Variants in PCDHA8 observed in about 807,000 individuals in gnomAD.
PCDHA8 encodes the protein protocadherin alpha-8.
A neutral mutation model predicts 61.8 loss-of-function variants in PCDHA8; 53 were observed. The ratio of observed to expected loss-of-function variants is 0.86; its 90% CI spans 0.69 to 1.08. The LOEUF is 1.08. Ranked by LOEUF, PCDHA8 falls within the 50% of genes least tolerant of loss-of-function variation. The probability of loss-of-function intolerance (pLI) is 0.00; values close to 1 mark genes in which losing one functional copy is unlikely to be tolerated. For missense variants in PCDHA8, 1,293 were observed against 1,245.0 expected (o/e 1.04, Z -0.58); for synonymous variants, 618 against 556.6 (o/e 1.11, Z -1.55).
At chr5:140,863,076 G>A (rs782126148) in intron 1 of PCDHA8, 19 of 569,916 alleles carry the variant, frequency 3.3e-5, no homozygotes, top group South Asian at 2.5e-4. Context: ...GGCTCTGCAC[G>A]GGCGAGATCA....
intron 1 of PCDHA8, chr5:140,866,111 C>T (rs2049154536): frequency 6.6e-6 from 1 of 151,970 alleles, no homozygotes; most frequent in South Asian, 2.1e-4. Flanking sequence ...TTAAGAGTTG[C>T]CTTATAAGAA....
chr5:140,927,508 C>T lies in PCDHA8; in HGVS notation c.2395-51441C>T, dbSNP rs551245842. On this transcript the variant is annotated intron_variant, in intron 1 of 3. Coordinates refer to ENST00000531613, the MANE Select transcript of PCDHA8 (RefSeq NM_018911.3). The stretch of plus-strand genomic sequence containing the variant: ...CACCCACCTGCTGGTGCTTACAGCT[C>T]GGGACGGCGGGCTACCTGCCCGCTC... The T allele has an allele frequency of 9.9e-6, 16 of 1,614,074 alleles. No individual in the cohort carries two copies. In the South Asian group the frequency reaches 1.4e-4, roughly 14 times the overall value.
At chr5:140,971,110 G>A (rs2096457221) in intron 1 of PCDHA8, among the ~76,000 whole-genome samples, 1 of 152,172 alleles carries the variant, frequency 6.6e-6, no homozygotes, top group Admixed American at 6.5e-5. Flanking sequence ...CTTTGGGATT[G>A]GGGTGGGCTA....
intron 1 of PCDHA8, chr5:140,927,689 G>A (rs781972370): frequency 5.6e-6 from 9 of 1,614,064 alleles, no homozygotes; most frequent in African/African-American, 2.7e-5. Flanking sequence ...GGGTCCAATG[G>A]GGAAGTCCAG....
rs960845779 is a variant in PCDHA8, at chr5:140,852,795, A to G, written c.2394+9080A>G. 2.0e-5 allele frequency: 20 copies of G among 977,252 alleles called. 2 individuals are homozygous for G. In the African/African-American group the frequency reaches 2.8e-4, roughly 14 times the overall value. 60.5% of individuals were successfully genotyped at this position (977,252 alleles called of 1,614,324 possible). A position where few individuals can be genotyped will look rare whatever the true frequency, so the allele number is the denominator to read the frequency against. ...TGATGTGAATAGAGGGATGCTACAG[A>G]TGTCATTTGTCTCCCGCCCTAAGTC... On this transcript the variant is annotated intron_variant, in intron 1 of 3. Coordinates refer to ENST00000531613, the MANE Select transcript of PCDHA8 (RefSeq NM_018911.3).
At chr5:140,865,781 A>T (rs1213634186) in intron 1 of PCDHA8, 5 of 152,208 alleles carry the variant, frequency 3.3e-5, no homozygotes, top group Non-Finnish European at 5.9e-5. Flanking sequence ...TCAAATGTGT[A>T]TCTTTCAGGC....
intron 1 of PCDHA8, among the ~76,000 whole-genome samples, chr5:140,887,315 C>G (rs1239122037): frequency 1.3e-5 from 2 of 152,116 alleles, no homozygotes; most frequent in Non-Finnish European, 2.9e-5. Flanking sequence ...CCAGGATAGT[C>G]TCGAACTCCT....
At position 140,951,544 on chromosome 5, in the gene PCDHA8, G is replaced by A. The variant is rs543008494; in HGVS notation, c.2395-27405G>A. On this transcript the variant is annotated intron_variant, in intron 1 of 3. Transcript: ENST00000531613. ...CATGGCCGGTGCAGGAGCAAGGGAC[G>A]GGGGGAAGTGCTACGCACTTTTAAA... Among the ~76,000 whole-genome samples the A allele has an allele frequency of 1.4e-3, 220 of 151,994 alleles. 1 individual carries two copies. The highest frequency in any genetic ancestry group is 4.9e-3 in the African/African-American group (204 of 41,462).
At chr5:141,005,610 G>C (rs1184044588) in intron 3 of PCDHA8, among the ~76,000 whole-genome samples, 1 of 147,582 alleles carries the variant, frequency 6.8e-6, no homozygotes, top group Non-Finnish European at 1.5e-5. Context: ...GCTGAGGCAG[G>C]AGAATGGCGT....
At chr5:140,854,493 T>C (rs990142871) in intron 1 of PCDHA8, 1 of 149,954 alleles carries the variant, frequency 6.7e-6, no homozygotes, top group African/African-American at 2.4e-5. Flanking sequence ...CAGAATTTAG[T>C]AGGACACATA....
intron 1 of PCDHA8, among the ~76,000 whole-genome samples, chr5:140,913,961 A>T (rs909283613): frequency 2.0e-5 from 3 of 149,744 alleles, no homozygotes; most frequent in South Asian, 2.1e-4. Context: ...TATCATTTTT[A>T]AAAAAATATT....
chr5:140,856,858 AGG>A, intron 1 of PCDHA8: 1 of 1,594,634 alleles, frequency 6.3e-7, no homozygotes, highest in Non-Finnish European at 8.6e-7. Context: ...ATTCGGATGA[AGG>A]AATAAACAAG....
chr5:140,954,652 T>C (rs541171307), intron 1 of PCDHA8, among the ~76,000 whole-genome samples: 24 of 152,356 alleles, frequency 1.6e-4, no homozygotes, highest in African/African-American at 5.8e-4. Flanking sequence ...TTTAAGTTCC[T>C]TGTAGACTCT....
intron 1 of PCDHA8, chr5:140,871,453 G>A (rs1554165628): frequency 6.2e-7 from 1 of 1,607,586 alleles, no homozygotes; most frequent in Non-Finnish European, 8.5e-7. Flanking sequence ...TAAAGAGGAG[G>A]AAGGGGAAAG....
At chr5:140,977,283 G>A (rs2096753441) in intron 1 of PCDHA8, among the ~76,000 whole-genome samples, 1 of 152,190 alleles carries the variant, frequency 6.6e-6, no homozygotes, top group African/African-American at 2.4e-5. Context: ...CTCAAAGGAA[G>A]GTTCTCTCAG....
intron 3 of PCDHA8, among the ~76,000 whole-genome samples, chr5:141,007,295 A>G (rs181235064): frequency 1.6e-3 from 250 of 151,912 alleles, no homozygotes; most frequent in Non-Finnish European, 2.9e-3. Context: ...TCATGCCTGT[A>G]ATCTTAGCAT....
chr5:140,870,305 A>G lies in PCDHA8; in HGVS notation c.2394+26590A>G, dbSNP rs201733980. 1.4e-4 allele frequency: 226 copies of G among 1,614,156 alleles called. No homozygotes were observed. In the African/African-American group the frequency reaches 2.3e-3, roughly 17 times the overall value. On this transcript the variant is annotated intron_variant, in intron 1 of 3. Transcript: ENST00000531613. ...CCCTTCAAGCTGGTGTCCACCTTCA[A>G]GAATTACTACTCGTTGGTGCTGGAC...
At chr5:140,967,214 C>T (rs2096114688) in intron 1 of PCDHA8, 10 of 1,613,692 alleles carry the variant, frequency 6.2e-6, no homozygotes, top group Non-Finnish European at 8.5e-6. Context: ...GCGTTTCCCG[C>T]GGCCCAACTA....
intron 3 of PCDHA8, among the ~76,000 whole-genome samples, chr5:141,005,701 CAAAAAAA>C (rs59860837): frequency 1.3e-4 from 1 of 7,786 alleles, no homozygotes; most frequent in African/African-American, 4.7e-4. Context: ...AACTCCGTCT[CAAAAAAA>C]AAAAAAAAAA....
Sources: gnomAD v4.1 joint callset for allele counts (sites outside exome capture counted in the v4.1 genomes callset) on GRCh38, gnomAD v4.1.1 for gene constraint, MANE v1.5 for transcripts, NCBI Gene and HGNC (gene_info 2026-07-23, HGNC 2026-07-21) for gene names.